DOCK3: variants seen among roughly 807,000 people sequenced by gnomAD.
DOCK3 encodes the protein dedicator of cytokinesis 3, also known as dedicator of cytokinesis protein 3.
Under a neutral mutation model 265.6 loss-of-function variants are expected in DOCK3, and 60 were observed. The ratio of observed to expected loss-of-function variants is 0.23; its 90% CI spans 0.18 to 0.28. The LOEUF is 0.28. Among genes scored for constraint, DOCK3 ranks in the 10% least tolerant of loss-of-function variants. The pLI is 1.00. For missense variants in DOCK3, 1,981 were observed against 2,594.3 expected (o/e 0.76, Z 5.14); for synonymous variants, 881 against 938.0 (o/e 0.94, Z 1.11).
At chr3:51,085,752 C>G (rs2082395458) in intron 7 of DOCK3, among the ~76,000 whole-genome samples, 1 of 151,808 alleles carries the variant, frequency 6.6e-6, no homozygotes, top group African/African-American at 2.4e-5. Flanking sequence ...AATGGTGTGC[C>G]TTAAGGACCC....
At chr3:51,356,311 A>G in intron 42 of DOCK3, 56 bp downstream of exon 42, 2 of 1,611,936 alleles carry the variant, frequency 1.2e-6, no homozygotes, top group Non-Finnish European at 1.7e-6. Flanking sequence ...GGCAAGCTCA[A>G]CTTCCTTGGG....
At chr3:50,885,202 C>T (rs975006632) in intron 3 of DOCK3, among the ~76,000 whole-genome samples, 1 of 152,072 alleles carries the variant, frequency 6.6e-6, no homozygotes, top group African/African-American at 2.4e-5. Flanking sequence ...ATGTTTTCCC[C>T]ATGTTTTTGT....
chr3:50,942,172 C>T (rs2076313604), intron 5 of DOCK3, among the ~76,000 whole-genome samples: 1 of 151,828 alleles, frequency 6.6e-6, no homozygotes, highest in Non-Finnish European at 1.5e-5. Flanking sequence ...GTCATACACA[C>T]CAGAGGTTTA....
chr3:51,029,359 G>A (rs938731067), intron 5 of DOCK3, among the ~76,000 whole-genome samples: 1 of 152,212 alleles, frequency 6.6e-6, no homozygotes, highest in Non-Finnish European at 1.5e-5. Flanking sequence ...CGGGGCTGGA[G>A]CTGCCATAAA....
chr3:51,247,389 A>G (rs1407725153), intron 22 of DOCK3, among the ~76,000 whole-genome samples: 2 of 152,180 alleles, frequency 1.3e-5, no homozygotes, highest in Non-Finnish European at 2.9e-5. Context: ...GCTCCAATTG[A>G]CAGGGGACTG....
chr3:50,801,004 C>G (rs1404933411), intron 2 of DOCK3, among the ~76,000 whole-genome samples: 1 of 151,906 alleles, frequency 6.6e-6, no homozygotes, highest in Non-Finnish European at 1.5e-5. Context: ...TAGTTTTATT[C>G]CATTTTGGTC....
At chr3:51,216,068 G>C (rs1456944047) in intron 14 of DOCK3, among the ~76,000 whole-genome samples, 1 of 151,876 alleles carries the variant, frequency 6.6e-6, no homozygotes, top group Non-Finnish European at 1.5e-5. Context: ...AGGTATCTAG[G>C]CTTATGTGGT....
At chr3:51,066,624 A>C (rs1431869568) in intron 6 of DOCK3, among the ~76,000 whole-genome samples, 1 of 152,204 alleles carries the variant, frequency 6.6e-6, no homozygotes, top group Non-Finnish European at 1.5e-5. Context: ...GATGCACGAA[A>C]GTTCCCTCTC....
At chr3:51,281,020 T>C (rs1156426398) in intron 27 of DOCK3, among the ~76,000 whole-genome samples, 1 of 152,128 alleles carries the variant, frequency 6.6e-6, no homozygotes, top group Non-Finnish European at 1.5e-5. Flanking sequence ...CATTCCTCTC[T>C]CACACACACA....
In DOCK3 at chr3:51,381,753, G is replaced by C. The variant is rs1187429262; in HGVS notation, c.*194G>C. The stretch of plus-strand genomic sequence containing the variant: ...GTACAGAGGCCACAGCAGCATGAAG[G>C]GTTGTGGCTTCCCTTTTTATTTTTT... On this transcript the variant is annotated 3_prime_UTR_variant, in exon 53 of 53. Coordinates refer to ENST00000266037, the MANE Select transcript of DOCK3 (RefSeq NM_004947.5). This position sits in a 1 kb window ranked among gnomAD's most constrained non-coding sequence, Gnocchi z 5.6. 3 of 602,292 alleles carry C rather than the reference G, an allele frequency of 5.0e-6. No individual in the cohort carries two copies. The highest frequency in any genetic ancestry group is 5.1e-6 in the Non-Finnish European group (2 of 389,964). The allele number at this position is 602,292 out of a possible 1,614,324, so 37.3% of individuals were successfully genotyped here.
intron 1 of DOCK3, among the ~76,000 whole-genome samples, chr3:50,761,729 T>C (rs564909607): frequency 6.6e-6 from 1 of 152,326 alleles, no homozygotes; most frequent in Admixed American, 6.5e-5. Context: ...ATGGCTTTGA[T>C]AAAATGTCCG....
chr3:51,151,164 G>C (rs1049961329), intron 10 of DOCK3, among the ~76,000 whole-genome samples: 1 of 151,536 alleles, frequency 6.6e-6, no homozygotes, highest in Non-Finnish European at 1.5e-5. Flanking sequence ...CATTTGCTTG[G>C]TAGATCTTCC....
At chr3:50,984,927 G>A (rs1402049356) in intron 5 of DOCK3, among the ~76,000 whole-genome samples, 1 of 152,206 alleles carries the variant, frequency 6.6e-6, no homozygotes, top group Non-Finnish European at 1.5e-5. Flanking sequence ...ATGTGAGTAA[G>A]TTGTGTGCAA....
At chr3:51,198,929 T>G (rs2088502731) in intron 12 of DOCK3, among the ~76,000 whole-genome samples, 1 of 152,026 alleles carries the variant, frequency 6.6e-6, no homozygotes, top group Non-Finnish European at 1.5e-5. Flanking sequence ...CTCAGGAGGC[T>G]GAGGCATGAG....
At chr3:50,918,951 AG>A (rs1485675308) in intron 4 of DOCK3, among the ~76,000 whole-genome samples, 1 of 152,202 alleles carries the variant, frequency 6.6e-6, no homozygotes, top group East Asian at 1.9e-4. Context: ...AGTGTAAGGA[AG>A]GGATCCAGTT....
In DOCK3 at chr3:51,312,908, T is replaced by C. The variant is rs1185685963; in HGVS notation, c.3253+6T>C. 2 of 1,601,864 alleles carry C rather than the reference T, an allele frequency of 1.2e-6. No homozygotes were observed. Among genetic ancestry groups the C allele is most frequent in the South Asian group, 1.1e-5 (1 of 88,688 alleles). On this transcript the variant is annotated splice_donor_region_variant and intron_variant, in intron 31 of 52. Transcript: ENST00000266037. ...CAGCATGTGGCAGAATTTGGGTAGG[T>C]TTTTTCTCCCTATTCTTCCCTTCTA...
At chr3:50,798,023 G>A (rs1208573460) in intron 2 of DOCK3, among the ~76,000 whole-genome samples, 1 of 152,174 alleles carries the variant, frequency 6.6e-6, no homozygotes, top group Non-Finnish European at 1.5e-5. Flanking sequence ...ATGATGAACA[G>A]AGAAAGAATA....
intron 38 of DOCK3, among the ~76,000 whole-genome samples, chr3:51,347,876 T>A (rs1318033757): frequency 6.6e-6 from 1 of 152,224 alleles, no homozygotes; most frequent in Non-Finnish European, 1.5e-5. Flanking sequence ...GCTGGATTCC[T>A]AGGTATTTTA....
chr3:51,248,900 TGAG>T (rs2078989543), intron 22 of DOCK3, among the ~76,000 whole-genome samples: 1 of 136,482 alleles, frequency 7.3e-6, no homozygotes, highest in Middle Eastern at 4.3e-3. Flanking sequence ...GTCTGGGAGG[TGAG>T]GAGCGTCTCT....
Sources: allele counts gnomAD v4.1 joint callset (sites outside exome capture counted in the v4.1 genomes callset), GRCh38; gene constraint gnomAD v4.1.1; non-coding constraint Gnocchi (gnomAD v3.1); transcripts MANE v1.5; gene names NCBI Gene and HGNC (gene_info 2026-07-23, HGNC 2026-07-21).